The following RAD51B variants were observed in gnomAD, a reference collection of about 807,000 sequenced individuals.
The protein encoded by RAD51B is RAD51 paralog B, also known as DNA repair protein RAD51 homolog 2.
A neutral mutation model predicts 42.2 loss-of-function variants in RAD51B; 38 were observed. That is an observed-to-expected ratio of 0.90 (90% CI 0.70 to 1.18). RAD51B has a LOEUF of 1.18. Among genes scored for constraint, RAD51B ranks in the 50% most tolerant of loss-of-function variants. RAD51B has a pLI of 0.00. For synonymous variants in RAD51B, 154 were observed against 145.2 expected, an observed-to-expected ratio of 1.06 and a Z score of -0.43; for missense variants, 373 against 400.7, an observed-to-expected ratio of 0.93 and a Z score of 0.59.
At chr14:68,444,388 G>A (rs144025053) in intron 9 of RAD51B, among the ~76,000 whole-genome samples, 1 of 152,106 alleles carries the variant, frequency 6.6e-6, no homozygotes, top group Non-Finnish European at 1.5e-5. Context: ...ACTGGATTAG[G>A]GGGCATTGTT....
At chr14:68,156,978 C>G (rs1425699913) in intron 7 of RAD51B, among the ~76,000 whole-genome samples, 2 of 152,118 alleles carry the variant, frequency 1.3e-5, no homozygotes, top group South Asian at 2.1e-4. Flanking sequence ...TAGGCAGATG[C>G]TTGAGCTCAG....
At chr14:68,146,705 G>A (rs984986226) in intron 7 of RAD51B, among the ~76,000 whole-genome samples, 10 of 152,144 alleles carry the variant, frequency 6.6e-5, no homozygotes, top group African/African-American at 1.9e-4. Context: ...TTAATTGTCA[G>A]GGGACTTTGA....
intron 11 of RAD51B, among the ~76,000 whole-genome samples, chr14:68,674,509 T>C (rs950860010): frequency 1.8e-4 from 27 of 151,830 alleles, no homozygotes; most frequent in Non-Finnish European, 3.7e-4. Context: ...TATATTTTAA[T>C]TAAAATTTTA....
chr14:68,353,304 G>A (rs1329826567), intron 8 of RAD51B, among the ~76,000 whole-genome samples: 1 of 152,172 alleles, frequency 6.6e-6, no homozygotes, highest in Non-Finnish European at 1.5e-5. Flanking sequence ...TGCATTGGGG[G>A]TAATAGTGGA....
intron 8 of RAD51B, among the ~76,000 whole-genome samples, chr14:68,307,244 C>T (rs532266124): frequency 6.6e-5 from 10 of 152,144 alleles, no homozygotes; most frequent in African/African-American, 2.2e-4. Context: ...TTGCAACAGG[C>T]GAGCACTGTA....
intron 10 of RAD51B, among the ~76,000 whole-genome samples, chr14:68,569,832 C>T (rs139271044): frequency 1.2e-3 from 186 of 152,286 alleles, no homozygotes; most frequent in African/African-American, 3.9e-3. Context: ...AGCCCCCCAA[C>T]CCAGGGGCTG....
chr14:68,074,644 C>T (rs1238579816), intron 7 of RAD51B, among the ~76,000 whole-genome samples: 1 of 152,166 alleles, frequency 6.6e-6, no homozygotes, highest in Non-Finnish European at 1.5e-5. Context: ...GGTTCTTTCT[C>T]ATATGTGTGG....
rs1888479351 is a variant in RAD51B at position 68,550,421 on chromosome 14, G to A, written c.1037-44064G>A. Reference sequence around the variant, plus strand: ...GGACCAAATCCGGTTATGGTCTGAAGAACCTCAGGTATGGGACATCCCCAG... The same window carrying A: ...GGACCAAATCCGGTTATGGTCTGAAAAACCTCAGGTATGGGACATCCCCAG... On this transcript the variant is annotated intron_variant, in intron 10 of 10. Transcript: ENST00000487270. 2.0e-5 allele frequency among the ~76,000 whole-genome samples: 3 copies of A among 152,210 alleles called. No homozygotes were observed. In the South Asian group the frequency reaches 6.2e-4, roughly 31 times the overall value.
At chr14:68,591,534 C>G (rs998317148) in intron 10 of RAD51B, among the ~76,000 whole-genome samples, 1 of 152,230 alleles carries the variant, frequency 6.6e-6, no homozygotes. Context: ...CTTCCAATGA[C>G]TCAAATCAAA....
chr14:68,127,654 C>CACAT (rs869141271), intron 7 of RAD51B, among the ~76,000 whole-genome samples: 1 of 110,488 alleles, frequency 9.1e-6, no homozygotes, highest in South Asian at 2.5e-4. Flanking sequence ...CACACACACA[C>CACAT]ATACACACAG....
At chr14:68,227,930 A>G (rs1368315906) in intron 7 of RAD51B, among the ~76,000 whole-genome samples, 1 of 152,190 alleles carries the variant, frequency 6.6e-6, no homozygotes, top group Non-Finnish European at 1.5e-5. Flanking sequence ...AATTATTATT[A>G]GTAGTAATAA....
intron 7 of RAD51B, among the ~76,000 whole-genome samples, chr14:68,069,111 G>T (rs1239486952): frequency 2.0e-5 from 3 of 152,128 alleles, no homozygotes; most frequent in Non-Finnish European, 2.9e-5. Flanking sequence ...TATGCCAAAG[G>T]TAGGTTGATG....
In RAD51B at chr14:68,305,026, T is replaced by C. The variant is rs187465544; in HGVS notation, c.853+13046T>C. The stretch of plus-strand genomic sequence containing the variant: ...TATGGAAAATTGCTGCCAAAAACTA[T>C]AGTGCTACTATATAAAGTTATATAA... On this transcript the variant is annotated intron_variant, in intron 8 of 10. Coordinates refer to ENST00000471583, the MANE Select transcript of RAD51B (RefSeq NM_133510.4). 5.3e-5 allele frequency among the ~76,000 whole-genome samples: 8 copies of C among 152,348 alleles called. No individual in the cohort carries two copies. The East Asian group carries it at 1.5e-3, about 29-fold the overall frequency.
At chr14:68,503,876 C>CT (rs1323453772) in intron 10 of RAD51B, among the ~76,000 whole-genome samples, 1 of 152,052 alleles carries the variant, frequency 6.6e-6, no homozygotes, top group Non-Finnish European at 1.5e-5. Flanking sequence ...GCAAGGAGGA[C>CT]TTTTTTGAAA....
intron 8 of RAD51B, among the ~76,000 whole-genome samples, chr14:68,371,495 C>T (rs966182977): frequency 1.4e-4 from 21 of 150,226 alleles, no homozygotes; most frequent in African/African-American, 5.2e-4. Context: ...TTCAGCCTGG[C>T]GACACAATGA....
Position 68,566,492 on chromosome 14 carries a change from T to C in RAD51B, c.1037-27993T>C, listed in dbSNP as rs144546633. Among the ~76,000 whole-genome samples, 375 of 152,326 alleles carry C rather than the reference T, an allele frequency of 2.5e-3. 4 individuals carry two copies. The highest frequency in any genetic ancestry group is 8.6e-3 in the African/African-American group (356 of 41,570). ...AGCACTGCTTGTCTTGTATGCCCTG[T>C]TATGCCAGCTTCATTCAAATGGTGA... is the stretch of plus-strand genomic sequence containing the variant. On this transcript the variant is annotated intron_variant, in intron 10 of 10. Transcript: ENST00000487270.
At chr14:68,004,732 A>T (rs1374758377) in intron 7 of RAD51B, among the ~76,000 whole-genome samples, 4 of 152,182 alleles carry the variant, frequency 2.6e-5, no homozygotes, top group Admixed American at 6.5e-5. Context: ...CCAATGTCCC[A>T]GAAGCCCCCA....
At chr14:68,037,288 C>T (rs1231115544) in intron 7 of RAD51B, among the ~76,000 whole-genome samples, 5 of 147,650 alleles carry the variant, frequency 3.4e-5, no homozygotes, top group Admixed American at 6.7e-5. Context: ...GTGGCACGCT[C>T]TCGCTCACTG....
At chr14:68,086,421 G>A (rs777653477) in intron 7 of RAD51B, among the ~76,000 whole-genome samples, 52 of 152,124 alleles carry the variant, frequency 3.4e-4, no homozygotes, top group Non-Finnish European at 5.6e-4. Flanking sequence ...GATGGGCCAG[G>A]GCTGTATTGG....
Sources: gnomAD v4.1 joint callset for allele counts (sites outside exome capture counted in the v4.1 genomes callset) on GRCh38, gnomAD v4.1.1 for gene constraint, MANE v1.5 for transcripts, NCBI Gene and HGNC (gene_info 2026-07-23, HGNC 2026-07-21) for gene names.